Variants in RNF19B observed in about 807,000 individuals in gnomAD.
RNF19B encodes the protein ring finger protein 19B.
In RNF19B, 23 loss-of-function variants were observed where a neutral mutation model predicts 65.5. The observed-to-expected ratio is 0.35, with a 90% CI of 0.25 to 0.50. The LOEUF is 0.50. RNF19B is among the 20% of genes least tolerant of loss of function. The probability of loss-of-function intolerance (pLI) is 0.98; values close to 1 mark genes in which losing one functional copy is unlikely to be tolerated. For synonymous variants in RNF19B, 372 were observed against 379.6 expected (o/e 0.98, Z 0.23); for missense variants, 794 against 980.0 (o/e 0.81, Z 2.53).
intron 8 of RNF19B, 91 bp downstream of exon 8, chr1:32,938,306 A>T: frequency 7.4e-7 from 1 of 1,350,896 alleles, no homozygotes; most frequent in Non-Finnish European, 1.1e-6. Flanking sequence ...GAGATGGTAC[A>T]TACAGCCCTA....
At chr1:32,950,095 T>C (rs752568196) in intron 1 of RNF19B, among the ~76,000 whole-genome samples, 18 of 152,030 alleles carry the variant, frequency 1.2e-4, no homozygotes, top group Non-Finnish European at 2.5e-4. Context: ...ACAGACTCCC[T>C]AGTAGCTGGG....
chr1:32,955,947 C>G (rs1642628800), intron 1 of RNF19B, among the ~76,000 whole-genome samples: 1 of 152,130 alleles, frequency 6.6e-6, no homozygotes, highest in African/African-American at 2.4e-5. Context: ...AATACAGACA[C>G]AGCTGGGTGC....
At chr1:32,934,257 G>C (rs1175013463), downstream of RNF19B, among the ~76,000 whole-genome samples, 1 of 152,202 alleles carries the variant, frequency 6.6e-6, no homozygotes, top group Non-Finnish European at 1.5e-5. Context: ...TAAAACACTG[G>C]CCAGGAAGAC....
At position 32,951,857 on chromosome 1, in the gene RNF19B, G is replaced by A. The variant is rs150585772; in HGVS notation, c.636-2083C>T. The stretch of plus-strand genomic sequence containing the variant: ...ATATCGCCCAGGATGGAGCGCAGTG[G>A]CGTGATCTCGGCTCACTGCAATCTT... On this transcript the variant is annotated intron_variant, in intron 1 of 8. Coordinates refer to ENST00000235150, the MANE Select transcript of RNF19B (RefSeq NM_001300826.2). Among the ~76,000 whole-genome samples, 733 of 151,474 alleles carry A rather than the reference G, an allele frequency of 4.8e-3. 7 individuals are homozygous for A. The highest frequency in any genetic ancestry group is 0.017 in the African/African-American group (689 of 41,234).
rs780242013 is a variant in RNF19B at position 32,942,336 on chromosome 1, T to A, written c.1526A>T (p.Tyr509Phe). ...GGCTGCAAAGCTGGCCGTTTCGCTG[T>A]AAGGACCTTGCATAACACTAAGTCC... Reference protein sequence around the residue: ...TDGLSVMQGPYSETASFAALS... With the variant: ...TDGLSVMQGPFSETASFAALS... The change falls in exon 7 of 9, where the codon TAC becomes TTC. Residue 509 changes from tyrosine (Y) to phenylalanine (F), a missense_variant. Physicochemically the swap from Tyr to Phe is conservative, Grantham distance 22. Transcript: ENST00000235150. 3.7e-6 allele frequency: 6 copies of A among 1,614,210 alleles called. No homozygotes were observed. The highest frequency in any genetic ancestry group is 3.3e-5 in the South Asian group (3 of 91,090).
intron 1 of RNF19B, among the ~76,000 whole-genome samples, chr1:32,961,858 T>TA (rs1642777744): frequency 6.6e-6 from 1 of 151,376 alleles, no homozygotes; most frequent in Non-Finnish European, 1.5e-5. Flanking sequence ...TTTAGAAAAA[T>TA]AAAAAAACAA....
intron 3 of RNF19B, 25 bp downstream of exon 3, chr1:32,948,197 G>A: frequency 6.2e-7 from 1 of 1,610,900 alleles, no homozygotes; most frequent in Non-Finnish European, 8.5e-7. Context: ...GACTACGAAA[G>A]GAATGGATGC....
chr1:32,956,908 C>T (rs1389927552), intron 1 of RNF19B, among the ~76,000 whole-genome samples: 1 of 152,112 alleles, frequency 6.6e-6, no homozygotes, highest in Non-Finnish European at 1.5e-5. Flanking sequence ...TAGACATGCG[C>T]CAACTTGTCA....
Position 32,936,906 on chromosome 1 carries a change from C to G in RNF19B, c.2096G>C (p.Arg699Thr). 6.2e-7 allele frequency: 1 copy of G among 1,613,980 alleles called. No homozygotes were observed. Among genetic ancestry groups the G allele is most frequent in the Non-Finnish European group, 8.5e-7 (1 of 1,179,996 alleles). ...ACTTGGGCTCGGTGCACCTTGGGCT[C>G]TGGGGGTCGAGGGGCAGGCTGCAGT... ...SHTAACPSTP[R>T]AQGAPSPSAH... The change falls in exon 9 of 9, where the codon AGA (arginine) becomes ACA (threonine). Residue 699 changes from arginine (R) to threonine (T), a missense_variant. By Grantham distance (71) the Arg-to-Thr change is moderately conservative. Transcript: ENST00000235150.
rs1404497007 is a variant in RNF19B, at chr1:32,954,067, C to T, written c.636-4293G>A. ...GGGCTTACAGGCGCCCGCCACCATG[C>T]CCAGCTACATTTTTTGTATTTTTAG... On this transcript the variant is annotated intron_variant, in intron 1 of 8. Coordinates refer to ENST00000235150, the MANE Select transcript of RNF19B (RefSeq NM_001300826.2). Among the ~76,000 whole-genome samples, 23 of 151,584 alleles carry T rather than the reference C, an allele frequency of 1.5e-4. 1 individual carries two copies. The highest frequency in any genetic ancestry group is 3.4e-4 in the Non-Finnish European group (23 of 67,816).
chr1:32,930,557 A>T, the RNF19B span, among the ~76,000 whole-genome samples: 3 of 151,780 alleles, frequency 2.0e-5, no homozygotes, highest in Non-Finnish European at 4.4e-5. Context: ...ACAGGCACAC[A>T]CCACCATGCC....
rs189908392 is a variant in RNF19B, at chr1:32,948,517, T to A, written c.842-154A>T. 364 of 739,424 alleles carry A rather than the reference T, an allele frequency of 4.9e-4. 2 individuals carry two copies. The Admixed American group carries it at 0.01, about 21-fold the overall frequency. 45.8% of individuals were successfully genotyped at this position (739,424 alleles called of 1,614,324 possible). On this transcript the variant is annotated intron_variant, in intron 2 of 8. Transcript: ENST00000235150. ...TTGTACAACCCACTTTACTGGAAGG[T>A]TGGCTATGTCTAGACCTCAGGAATT... is the stretch of plus-strand genomic sequence containing the variant.
chr1:32,942,162 A>G, intron 7 of RNF19B, 90 bp downstream of exon 7: 1 of 1,005,552 alleles, frequency 9.9e-7, no homozygotes, highest in Non-Finnish European at 1.5e-6. Flanking sequence ...ATAAGATGAT[A>G]CGTGGCACAA....
chr1:32,962,127 C>T (rs972324699), intron 1 of RNF19B, among the ~76,000 whole-genome samples: 8 of 152,060 alleles, frequency 5.3e-5, no homozygotes, highest in Non-Finnish European at 8.8e-5. Flanking sequence ...CACCACCATG[C>T]CCGGCTAATT....
downstream of RNF19B, among the ~76,000 whole-genome samples, chr1:32,934,256 G>A (rs1642062792): frequency 6.6e-6 from 1 of 152,180 alleles, no homozygotes; most frequent in South Asian, 2.1e-4. Flanking sequence ...GTAAAACACT[G>A]GCCAGGAAGA....
Position 32,936,954 on chromosome 1 carries a change from T to G in RNF19B, c.2048A>C (p.Glu683Ala). The G allele has an allele frequency of 6.2e-7, 1 of 1,613,900 alleles. No homozygotes were observed. Among genetic ancestry groups the G allele is most frequent in the Non-Finnish European group, 8.5e-7 (1 of 1,179,964 alleles). The change falls in exon 9 of 9, where the codon GAG (glutamate) becomes GCG (alanine). Residue 683 changes from glutamate to alanine, a missense_variant. Physicochemically the swap from Glu to Ala is moderately radical, Grantham distance 107 (BLOSUM62 -1). Coordinates refer to ENST00000235150, the MANE Select transcript of RNF19B (RefSeq NM_001300826.2). ...SDDVPDITSD[E>A]CGSPRSHTAA... ...AGTATGGGAGCGGGGGGAGCCACACTCATCTGAGGTGATGTCTGGCACATC... is the reference window on the plus strand; with the variant it reads ...AGTATGGGAGCGGGGGGAGCCACACGCATCTGAGGTGATGTCTGGCACATC...
Position 32,964,771 on chromosome 1 carries a change from C to A in RNF19B, c.-86G>T. 1.6e-6 allele frequency: 2 copies of A among 1,224,962 alleles called. No homozygotes were observed. Among genetic ancestry groups the A allele is most frequent in the Non-Finnish European group, 2.1e-6 (2 of 964,590 alleles). 75.9% of individuals were successfully genotyped at this position (1,224,962 alleles called of 1,614,324 possible). On this transcript the variant is annotated 5_prime_UTR_variant, in exon 1 of 9. Transcript: ENST00000235150. This position sits in a 1 kb window ranked among gnomAD's most constrained non-coding sequence, Gnocchi z 6.5. The stretch of plus-strand genomic sequence containing the variant: ...CCCTCAGCCAGCGCCCGGCCGCCGC[C>A]GACGCCGCCACCACCGCCTCAACCG...
At position 32,936,832 on chromosome 1, in the gene RNF19B, G is replaced by A. The variant is rs767339468; in HGVS notation, c.2170C>T (p.Pro724Ser). 1.3e-6 allele frequency: 2 copies of A among 1,576,490 alleles called. No individual in the cohort carries two copies. The highest frequency in any genetic ancestry group is 1.7e-4 in the Middle Eastern group (1 of 5,870). Reference protein sequence around the residue: ...ALAEGQTVLKPEGGEARV With the variant: ...ALAEGQTVLKSEGGEARV ...CATACTCTGGCTTCTCCACCTTCTGGCTTCAAGACAGTTTGTCCCTCGGCT... is the reference window on the plus strand; with the variant it reads ...CATACTCTGGCTTCTCCACCTTCTGACTTCAAGACAGTTTGTCCCTCGGCT... The change falls in exon 9 of 9, where the codon CCA (proline) becomes TCA (serine). Residue 724 changes from proline to serine, a missense_variant. This residue lies in a region of RNF19B where 368 missense variants were observed against 447.3 expected (regional missense o/e 0.82). Coordinates refer to ENST00000235150, the MANE Select transcript of RNF19B (RefSeq NM_001300826.2).
At chr1:32,949,329 A>T (rs571122125) in intron 2 of RNF19B, among the ~76,000 whole-genome samples, 1 of 152,342 alleles carries the variant, frequency 6.6e-6, no homozygotes, top group South Asian at 2.1e-4. Context: ...TATTACTAAG[A>T]AAGTAGGAAC....
Sources: allele counts gnomAD v4.1 joint callset (sites outside exome capture counted in the v4.1 genomes callset), GRCh38; gene constraint gnomAD v4.1.1; regional missense constraint gnomAD v4.1.1; non-coding constraint Gnocchi (gnomAD v3.1); transcripts MANE v1.5; gene names NCBI Gene and HGNC (gene_info 2026-07-23, HGNC 2026-07-21).